Variants in PTK2 observed in about 807,000 individuals in gnomAD.
PTK2 encodes the protein protein tyrosine kinase 2.
A neutral mutation model predicts 150.1 loss-of-function variants in PTK2; 45 were observed. The observed-to-expected ratio is 0.30, with a 90% CI of 0.24 to 0.38. The LOEUF (loss-of-function observed/expected upper bound fraction) is 0.38. Among genes scored for constraint, PTK2 ranks in the 10% least tolerant of loss-of-function variants. The probability of loss-of-function intolerance (pLI) is 1.00; values close to 1 mark genes in which losing one functional copy is unlikely to be tolerated. For missense variants in PTK2, 919 were observed against 1,307.3 expected (o/e 0.70, Z 4.58); for synonymous variants, 432 against 449.2 (o/e 0.96, Z 0.48).
At chr8:140,819,341 G>A (rs959446256) in intron 8 of PTK2, among the ~76,000 whole-genome samples, 1 of 151,918 alleles carries the variant, frequency 6.6e-6, no homozygotes, top group African/African-American at 2.4e-5. Flanking sequence ...AGGTATAAAG[G>A]TACTTGCACA....
intron 20 of PTK2, 113 bp downstream of exon 23, chr8:140,743,113 CATTT>C: frequency 1.4e-6 from 1 of 698,836 alleles, no homozygotes; most frequent in Non-Finnish European, 2.3e-6. Context: ...TCGCTTCCTC[CATTT>C]AGTTGATTTT....
intron 23 of PTK2, among the ~76,000 whole-genome samples, chr8:140,715,165 T>G (rs1332029608): frequency 0.023 from 2,515 of 109,596 alleles, 546 homozygotes; most frequent in Non-Finnish European, 0.028. Flanking sequence ...GTTTTTTTTT[T>G]TTTTTTTTTT....
At chr8:140,700,745 A>G in intron 26 of PTK2, 146 bp downstream of exon 29, 1 of 1,067,088 alleles carries the variant, frequency 9.4e-7, no homozygotes, top group Non-Finnish European at 1.3e-6. Context: ...CAAATAGGCC[A>G]CCATGCCTGG....
At chr8:140,890,902 A>G (rs2100154017) in intron 2 of PTK2, 133 bp from the exon 3 acceptor site, 2 of 733,040 alleles carry the variant, frequency 2.7e-6, no homozygotes, top group Non-Finnish European at 4.5e-6. Flanking sequence ...TGAGGAGAAT[A>G]GAGACCTAAT....
exon 6 of PTK2, chr8:140,846,640 C>T (rs2100125662): frequency 6.2e-7 from 1 of 1,612,436 alleles, no homozygotes; most frequent in Admixed American, 1.7e-5. Flanking sequence ...TTTCCTGGTC[C>T]ACTTGATCAG....
chr8:140,836,924 C>T (rs757558154), intron 7 of PTK2, among the ~76,000 whole-genome samples: 1 of 152,100 alleles, frequency 6.6e-6, no homozygotes, highest in South Asian at 2.1e-4. Context: ...TTAGATGGTT[C>T]ATTTAAAATA....
At chr8:140,831,842 G>T (rs2100115595) in intron 7 of PTK2, among the ~76,000 whole-genome samples, 1 of 152,102 alleles carries the variant, frequency 6.6e-6, no homozygotes, top group Non-Finnish European at 1.5e-5. Flanking sequence ...GGGGGGAAAA[G>T]AATCCACACA....
At chr8:140,803,470 TA>T in intron 11 of PTK2, 72 bp downstream of exon 11, 2 of 1,267,612 alleles carry the variant, frequency 1.6e-6, no homozygotes, top group Non-Finnish European at 2.3e-6. Context: ...ATCCTTTTCA[TA>T]AAAAAGTCAA....
intron 22 of PTK2, among the ~76,000 whole-genome samples, chr8:140,728,349 A>G (rs1421603548): frequency 6.6e-6 from 1 of 152,190 alleles, no homozygotes; most frequent in Non-Finnish European, 1.5e-5. Context: ...TTAAATACAA[A>G]TAACTATATA....
chr8:140,817,088 C>A (rs1428884473), intron 10 of PTK2, among the ~76,000 whole-genome samples: 1 of 151,962 alleles, frequency 6.6e-6, no homozygotes, highest in East Asian at 1.9e-4. Flanking sequence ...GAGGAAGGGG[C>A]AAAGAAAGGC....
chr8:140,744,922 A>T (rs1352164735), intron 18 of PTK2, 155 bp from the exon 22 acceptor site: 2 of 433,072 alleles, frequency 4.6e-6, no homozygotes, highest in Non-Finnish European at 8.3e-6. Context: ...AATAAAGCAT[A>T]ATAAATGAAA....
intron 7 of PTK2, among the ~76,000 whole-genome samples, chr8:140,841,985 G>A (rs2100122631): frequency 6.6e-6 from 1 of 151,546 alleles, no homozygotes; most frequent in Admixed American, 6.6e-5. Flanking sequence ...ATACTCATTG[G>A]GTGGACTAGT....
At chr8:140,733,094 AT>A (rs752351723) in intron 22 of PTK2, among the ~76,000 whole-genome samples, 15 of 152,148 alleles carry the variant, frequency 9.9e-5, no homozygotes, top group Non-Finnish European at 1.9e-4. Context: ...TTTCAGGAAG[AT>A]TGACTAAGCT....
At chr8:140,969,586 T>C (rs2100186522) in intron 1 of PTK2, among the ~76,000 whole-genome samples, 2 of 152,360 alleles carry the variant, frequency 1.3e-5, no homozygotes, top group Admixed American at 1.3e-4. Context: ...CATCTTCTCC[T>C]GGTTTTCTTC....
At chr8:140,950,033 T>G (rs1449682229) in intron 1 of PTK2, among the ~76,000 whole-genome samples, 1 of 152,112 alleles carries the variant, frequency 6.6e-6, no homozygotes, top group Non-Finnish European at 1.5e-5. Flanking sequence ...TCTCTTCAAC[T>G]CACCAGGACA....
intron 7 of PTK2, among the ~76,000 whole-genome samples, chr8:140,839,544 C>T (rs748693753): frequency 3.3e-5 from 5 of 151,970 alleles, no homozygotes; most frequent in Admixed American, 1.3e-4. Flanking sequence ...AAGAAGATTA[C>T]ATCACATGAA....
chr8:140,802,903 A>T (rs186259288), intron 11 of PTK2, among the ~76,000 whole-genome samples: 62 of 152,240 alleles, frequency 4.1e-4, no homozygotes, highest in Middle Eastern at 3.4e-3. Flanking sequence ...ACAACAAAGA[A>T]ATCAGGGAAT....
intron 14 of PTK2, among the ~76,000 whole-genome samples, chr8:140,782,603 A>G (rs2100082467): frequency 6.6e-6 from 1 of 151,324 alleles, no homozygotes; most frequent in Admixed American, 6.6e-5. Flanking sequence ...AAAATGAACT[A>G]CTTATATAAT....
chr8:140,922,006 A>AATTT (rs2100167644), intron 2 of PTK2, among the ~76,000 whole-genome samples: 1 of 148,678 alleles, frequency 6.7e-6, no homozygotes, highest in African/African-American at 2.4e-5. Flanking sequence ...AGCTTTCCTA[A>AATTT]ATGTGGGTAA....
Sources: allele counts gnomAD v4.1 joint callset (sites outside exome capture counted in the v4.1 genomes callset), GRCh38; gene constraint gnomAD v4.1.1; transcripts MANE v1.5; gene names NCBI Gene and HGNC (gene_info 2026-07-23, HGNC 2026-07-21).